The following SPAG6 variants were observed in gnomAD, a reference collection of about 807,000 sequenced individuals.
The protein encoded by SPAG6 is sperm associated antigen 6.
In SPAG6, 49 loss-of-function variants were observed where a neutral mutation model predicts 58.5. The ratio of observed to expected loss-of-function variants is 0.84; its 90% CI spans 0.67 to 1.06. The LOEUF (loss-of-function observed/expected upper bound fraction) is 1.06. SPAG6 is among the 50% of genes least tolerant of loss of function. The pLI is 0.00. For synonymous variants in SPAG6, 233 were observed against 225.6 expected (o/e 1.03, Z -0.29); for missense variants, 560 against 611.3 (o/e 0.92, Z 0.89).
At chr10:22,400,639 C>T (rs1024295923) in intron 8 of SPAG6, among the ~76,000 whole-genome samples, 18 of 152,000 alleles carry the variant, frequency 1.2e-4, no homozygotes, top group Admixed American at 3.9e-4. Flanking sequence ...TGTCTACCTA[C>T]GAGCTATAGC....
At chr10:22,394,514 G>T (rs1305632036) in intron 8 of SPAG6, among the ~76,000 whole-genome samples, 1 of 152,060 alleles carries the variant, frequency 6.6e-6, no homozygotes, top group Non-Finnish European at 1.5e-5. Context: ...ACCATTGAAT[G>T]GTTTTGGGTA....
In SPAG6 at chr10:22,358,032, T is replaced by A. The variant is rs571618408; in HGVS notation, c.122-6821T>A. Reference sequence around the variant, plus strand: ...CAAGTCTTTGCTATGGTGAATAGTGTCGCAATAAACATACGTGTGCATGTG... The same window carrying A: ...CAAGTCTTTGCTATGGTGAATAGTGACGCAATAAACATACGTGTGCATGTG... On this transcript the variant is annotated intron_variant, in intron 2 of 10. Transcript: ENST00000376624. Among the ~76,000 whole-genome samples the A allele has an allele frequency of 1.6e-4, 24 of 152,084 alleles. No individual in the cohort carries two copies. In the East Asian group the frequency reaches 4.4e-3, roughly 28 times the overall value.
intron 8 of SPAG6, among the ~76,000 whole-genome samples, chr10:22,394,700 G>A (rs773517557): frequency 2.6e-5 from 4 of 152,020 alleles, no homozygotes; most frequent in Non-Finnish European, 4.4e-5. Context: ...TCATTTAAAT[G>A]GAGTCATACA....
chr10:22,403,351 T>C (rs1338756776), intron 9 of SPAG6, among the ~76,000 whole-genome samples: 1 of 152,226 alleles, frequency 6.6e-6, no homozygotes, highest in Non-Finnish European at 1.5e-5. Flanking sequence ...GTTCTCATTG[T>C]TCAATTCCCA....
Position 22,401,125 on chromosome 10 carries a change from A to G in SPAG6, c.1198-36A>G, listed in dbSNP as rs200285781. The G allele has an allele frequency of 1.3e-4, 120 of 915,004 alleles. No homozygotes were observed. The East Asian group carries it at 1.8e-3, about 14-fold the overall frequency. 56.7% of individuals were successfully genotyped at this position (915,004 alleles called of 1,614,324 possible). On this transcript the variant is annotated intron_variant, in intron 8 of 10. Transcript: ENST00000376624. The stretch of plus-strand genomic sequence containing the variant: ...AATTCTTGTCAAGGTTTCATTGATT[A>G]CTTACTTATGTATACATTCTGCTTT...
rs199608620 is a variant in SPAG6, at chr10:22,416,628, C to T, written c.1470C>T (p.Ser490=). 4.4e-6 allele frequency: 7 copies of T among 1,602,552 alleles called. No homozygotes were observed. In the East Asian group the frequency reaches 1.3e-4, roughly 31 times the overall value. ...GTATTTTCTTTTTCAGGTATTATTC[C>T]CCTGGATATTCAGATACACTTCTGC... The part of the protein sequence containing the change: ...CYPEEIVRYY[S]PGYSDTLLQR... Residue 490 remains serine, a synonymous_variant, in exon 11 of 11, where the codon TCC becomes TCT. Transcript: ENST00000376624.
At chr10:22,367,178 A>T (rs549082114) in intron 3 of SPAG6, among the ~76,000 whole-genome samples, 1 of 152,092 alleles carries the variant, frequency 6.6e-6, no homozygotes, top group African/African-American at 2.4e-5. Flanking sequence ...AAATTTGACA[A>T]TTCTGCAGTA....
At chr10:22,367,963 TG>T (rs1455767548) in intron 3 of SPAG6, among the ~76,000 whole-genome samples, 3 of 152,254 alleles carry the variant, frequency 2.0e-5, no homozygotes, top group Non-Finnish European at 4.4e-5. Context: ...TATGTTTATT[TG>T]ATGATTGTAA....
chr10:22,375,251 T>C (rs925472932), intron 4 of SPAG6, among the ~76,000 whole-genome samples: 3 of 152,230 alleles, frequency 2.0e-5, no homozygotes, highest in African/African-American at 7.2e-5. Context: ...TTTGAATTTC[T>C]AGAAATACAT....
chr10:22,362,971 T>C (rs1440074444), intron 2 of SPAG6, among the ~76,000 whole-genome samples: 1 of 152,128 alleles, frequency 6.6e-6, no homozygotes, highest in East Asian at 1.9e-4. Context: ...CTGTTATTTT[T>C]TTAAATTGGA....
At chr10:22,394,342 A>G (rs1159691420) in intron 8 of SPAG6, among the ~76,000 whole-genome samples, 1 of 152,158 alleles carries the variant, frequency 6.6e-6, no homozygotes. Context: ...GAAATGTTTC[A>G]TCTTACTTTG....
intron 3 of SPAG6, 22 bp from the exon 4 acceptor site, chr10:22,368,473 T>C (rs762839740): frequency 1.7e-5 from 27 of 1,597,488 alleles, no homozygotes; most frequent in Non-Finnish European, 2.1e-5. Context: ...CATTTTGAGT[T>C]TTGTCTGTTT....
chr10:22,346,416 G>A (rs1057052474), intron 2 of SPAG6, among the ~76,000 whole-genome samples: 4 of 138,644 alleles, frequency 2.9e-5, no homozygotes, highest in Non-Finnish European at 6.4e-5. Flanking sequence ...AACATAAACT[G>A]ATAAGAGAAA....
At chr10:22,361,483 C>T (rs1040216112) in intron 2 of SPAG6, 1 of 152,278 alleles carries the variant, frequency 6.6e-6, no homozygotes, top group Admixed American at 6.5e-5. Context: ...ATCACTTGAG[C>T]TCAGGACTTT....
In SPAG6 at chr10:22,373,087, C is replaced by T. The variant is rs371835392; in HGVS notation, c.472+4409C>T. 1.4e-4 allele frequency among the ~76,000 whole-genome samples: 22 copies of T among 152,198 alleles called. No individual in the cohort carries two copies. The East Asian group carries it at 3.1e-3, about 21-fold the overall frequency. ...GCCAGATACCTCTGTTTCTAATCTC[C>T]GTTGGCCGCTTTCCACCCGGTTGAC... On this transcript the variant is annotated intron_variant, in intron 4 of 10. Transcript: ENST00000376624.
At chr10:22,388,058 A>T (rs1191019813) in intron 6 of SPAG6, 62 bp downstream of exon 6, 2 of 1,378,060 alleles carry the variant, frequency 1.5e-6, no homozygotes, top group Non-Finnish European at 2.0e-6. Flanking sequence ...TAAATAAAAC[A>T]TCAATTTGTT....
chr10:22,400,499 C>T (rs1346773620), intron 8 of SPAG6, among the ~76,000 whole-genome samples: 4 of 151,854 alleles, frequency 2.6e-5, no homozygotes, highest in East Asian at 3.9e-4. Flanking sequence ...CCTTGAAATA[C>T]GGAGTGCAGG....
At chr10:22,404,163 G>T (rs1834487964) in intron 9 of SPAG6, among the ~76,000 whole-genome samples, 1 of 123,196 alleles carries the variant, frequency 8.1e-6, no homozygotes, top group Non-Finnish European at 1.7e-5. Context: ...GTCAATTTTG[G>T]CTTTTGTTGC....
rs573708260 is a variant in SPAG6, at chr10:22,387,924, G to A, written c.780G>A (p.Leu260=). ...TTTTTCCAGTTGTACTTACCTGTCT[G>A]AAGGACAAGGATGAATACGTGAAGA... ...AEIFPVVLTC[L]KDKDEYVKKN... Residue 260 remains leucine, a synonymous_variant, in exon 6 of 11, where the codon CTG becomes CTA. Coordinates refer to ENST00000376624, the MANE Select transcript of SPAG6 (RefSeq NM_012443.4). 29 of 1,613,122 alleles carry A rather than the reference G, an allele frequency of 1.8e-5. No homozygotes were observed. The highest frequency in any genetic ancestry group is 2.4e-5 in the Non-Finnish European group (28 of 1,179,576).
Sources: gnomAD v4.1 joint callset for allele counts (sites outside exome capture counted in the v4.1 genomes callset) on GRCh38, gnomAD v4.1.1 for gene constraint, MANE v1.5 for transcripts, NCBI Gene and HGNC (gene_info 2026-07-23, HGNC 2026-07-21) for gene names.